PROCR: variants seen among roughly 807,000 people sequenced by gnomAD.
PROCR encodes the protein endothelial protein C receptor.
Under a neutral mutation model 24.2 loss-of-function variants are expected in PROCR, and 22 were observed. The ratio of observed to expected loss-of-function variants is 0.91; its 90% confidence interval spans 0.65 to 1.30. The LOEUF is 1.30. PROCR is among the 50% of genes most tolerant of loss of function. The pLI is 0.00. For missense variants in PROCR, 288 were observed against 307.7 expected (o/e 0.94, Z 0.48); for synonymous variants, 137 against 139.2 (o/e 0.98, Z 0.11).
chr20:35,174,847 C>T lies in PROCR; in HGVS notation c.216C>T (p.Pro72=), dbSNP rs1231037561. 2 of 1,613,932 alleles carry T rather than the reference C, an allele frequency of 1.2e-6. No individual in the cohort carries two copies. The highest frequency in any genetic ancestry group is 4.5e-5 in the East Asian group (2 of 44,884). The change falls in exon 2 of 4, where the codon CCC becomes CCT. Residue 72 remains proline (P), a synonymous_variant. Transcript: ENST00000216968. ...DTNTTIIQLQ[P]LQEPESWART... is the part of the protein sequence containing the mutation. The stretch of plus-strand genomic sequence containing the variant: ...ACACCACGATCATTCAGCTGCAGCC[C>T]TTGCAGGAGCCCGAGAGCTGGGCGC...
Position 35,176,442 on chromosome 20 carries a change from G to T in PROCR, c.597G>T (p.Thr199=). The change falls in exon 3 of 4, where the codon ACG becomes ACT. Residue 199 remains threonine (T), a synonymous_variant. Transcript: ENST00000216968. ...AGAAACATATTTCCGCGGAAAACACGAAAGGTATGATGGGACGGGGCCCAG... is the reference window on the plus strand; with the variant it reads ...AGAAACATATTTCCGCGGAAAACACTAAAGGTATGATGGGACGGGGCCCAG... ...YVQKHISAEN[T]KGSQTSRSYT... The T allele has an allele frequency of 1.9e-6, 3 of 1,613,886 alleles. No homozygotes were observed. Among genetic ancestry groups the T allele is most frequent in the Non-Finnish European group, 2.5e-6 (3 of 1,179,914 alleles).
intron 1 of PROCR, among the ~76,000 whole-genome samples, chr20:35,211,113 G>C (rs115677391): frequency 0.02 from 3,083 of 152,230 alleles, 87 homozygotes; most frequent in African/African-American, 0.071. Flanking sequence ...GGAAGTTGAG[G>C]ATCTGGAAAT....
chr20:35,206,138 C>G (rs1306681895), intron 1 of PROCR, among the ~76,000 whole-genome samples: 1 of 151,704 alleles, frequency 6.6e-6, no homozygotes. Context: ...TCCCAAAGCA[C>G]TAGGACTACA....
chr20:35,178,507 G>GTTTTGTTTTTTTGTTTT (rs1272557859), downstream of PROCR, among the ~76,000 whole-genome samples: 1 of 34,372 alleles, frequency 2.9e-5, no homozygotes, highest in African/African-American at 1.8e-4. Flanking sequence ...TCAAGTCTCA[G>GTTTTGTTTTTTTGTTTT]TTTTTTTTTT....
At chr20:35,186,241 C>T (rs1287460080) in intron 1 of PROCR, among the ~76,000 whole-genome samples, 1 of 152,142 alleles carries the variant, frequency 6.6e-6, no homozygotes, top group African/African-American at 2.4e-5. Context: ...AAATGAGGTA[C>T]TGACACATGT....
chr20:35,198,048 G>A (rs1166073316), intron 1 of PROCR, among the ~76,000 whole-genome samples: 5 of 152,044 alleles, frequency 3.3e-5, no homozygotes, highest in Non-Finnish European at 5.9e-5. Flanking sequence ...ACTTTGGGAG[G>A]CCAAGGCAGG....
chr20:35,211,835 G>A (rs768663793), intron 1 of PROCR, among the ~76,000 whole-genome samples: 4 of 152,026 alleles, frequency 2.6e-5, no homozygotes, highest in Non-Finnish European at 4.4e-5. Context: ...CCAACATGGT[G>A]AAACACCATC....
intron 2 of PROCR, among the ~76,000 whole-genome samples, chr20:35,175,568 C>T (rs564828228): frequency 1.6e-4 from 17 of 108,270 alleles, no homozygotes; most frequent in African/African-American, 6.5e-4. Flanking sequence ...TAGTCCCCCA[C>T]CCCACCCCCC....
At chr20:35,189,503 C>A (rs1238856581) in intron 1 of PROCR, among the ~76,000 whole-genome samples, 1 of 152,186 alleles carries the variant, frequency 6.6e-6, no homozygotes, top group Non-Finnish European at 1.5e-5. Flanking sequence ...TTCGCCCTGA[C>A]CTTGTGATCT....
Position 35,174,783 on chromosome 20 carries a change from G to C in PROCR, c.152G>C (p.Gly51Ala). The change falls in exon 2 of 4, where the codon GGG becomes GCG. Residue 51 changes from glycine to alanine, a missense_variant. Gly to Ala is a moderately conservative substitution (Grantham distance 60). Transcript: ENST00000216968. ...TGGTACCAGGGCAACGCGTCGCTGG[G>C]GGGACACCTAACGCACGTGCTGGAA... is the stretch of plus-strand genomic sequence containing the variant. ...HVWYQGNASL[G>A]GHLTHVLEGP... The C allele has an allele frequency of 6.2e-7, 1 of 1,614,068 alleles. No individual in the cohort carries two copies. The highest frequency in any genetic ancestry group is 1.1e-5 in the South Asian group (1 of 91,080).
intron 1 of PROCR, among the ~76,000 whole-genome samples, chr20:35,199,539 G>A (rs544827776): frequency 1.3e-5 from 2 of 152,150 alleles, no homozygotes; most frequent in East Asian, 1.9e-4. Context: ...TCACAGGGTC[G>A]GGAGTTCAAG....
chr20:35,179,232 C>CAAAAAAAAAAAAAAAA (rs61421342), downstream of PROCR, among the ~76,000 whole-genome samples: 1 of 76,638 alleles, frequency 1.3e-5, no homozygotes, highest in Non-Finnish European at 2.5e-5. Context: ...GACTCCATCT[C>CAAAAAAAAAAAAAAAA]AAAAAAAAAA....
chr20:35,198,438 T>C (rs896959827), intron 1 of PROCR, among the ~76,000 whole-genome samples: 1 of 152,146 alleles, frequency 6.6e-6, no homozygotes, highest in Non-Finnish European at 1.5e-5. Flanking sequence ...TTAATCTAGA[T>C]CAAATCCCTA....
downstream of PROCR, among the ~76,000 whole-genome samples, chr20:35,178,515 T>TTTTTTTTTG (rs2086047434): frequency 2.1e-5 from 1 of 48,220 alleles, no homozygotes; most frequent in Non-Finnish European, 3.8e-5. Flanking sequence ...CAGTTTTTTT[T>TTTTTTTTTG]TTTTTTTTTT....
intron 1 of PROCR, among the ~76,000 whole-genome samples, chr20:35,193,100 A>G (rs1280715189): frequency 6.6e-6 from 1 of 151,972 alleles, no homozygotes; most frequent in Admixed American, 6.6e-5. Flanking sequence ...AGAAGCCAGG[A>G]TATTGGTTAC....
chr20:35,182,969 G>A (rs1253562926), intron 1 of PROCR, among the ~76,000 whole-genome samples: 12 of 101,300 alleles, frequency 1.2e-4, no homozygotes, highest in East Asian at 9.3e-4. Flanking sequence ...GCGAGACTCC[G>A]TCTCAAAAAA....
Position 35,176,772 on chromosome 20 carries a change from G to T in PROCR, c.676G>T (p.Ala226Ser). The T allele has an allele frequency of 6.2e-7, 1 of 1,614,052 alleles. No individual in the cohort carries two copies. Among genetic ancestry groups the T allele is most frequent in the Non-Finnish European group, 8.5e-7 (1 of 1,180,002 alleles). The part of the protein sequence containing the change: ...LVGSFIIAGV[A>S]VGIFLCTGGR... ...GGGCAGTTTCATCATTGCTGGTGTG[G>T]CTGTAGGCATCTTCCTGTGCACAGG... The change falls in exon 4 of 4, where the codon GCT (alanine) becomes TCT (serine). Residue 226 changes from alanine to serine, a missense_variant. Transcript: ENST00000216968.
intron 1 of PROCR, among the ~76,000 whole-genome samples, chr20:35,186,161 CA>C (rs1403689113): frequency 6.6e-6 from 1 of 151,988 alleles, no homozygotes; most frequent in African/African-American, 2.4e-5. Flanking sequence ...GGTAATAATC[CA>C]AATGTCTGTT....
intron 1 of PROCR, chr20:35,202,703 C>T (rs1271884097): frequency 1.3e-5 from 2 of 151,608 alleles, no homozygotes; most frequent in Non-Finnish European, 2.9e-5. Context: ...ATAAATGAAG[C>T]AAAAATTGAT....
Sources: allele counts gnomAD v4.1 joint callset (sites outside exome capture counted in the v4.1 genomes callset), GRCh38; gene constraint gnomAD v4.1.1; transcripts MANE v1.5; gene names NCBI Gene and HGNC (gene_info 2026-07-23, HGNC 2026-07-21).